The following UHRF1 variants were observed in gnomAD, a reference collection of about 807,000 sequenced individuals.
UHRF1 encodes ubiquitin like with PHD and ring finger domains 1.
A neutral mutation model predicts 96.5 loss-of-function variants in UHRF1; 9 were observed. That is an observed-to-expected ratio of 0.09 (90% CI 0.06 to 0.16). The LOEUF (loss-of-function observed/expected upper bound fraction) is 0.16. Ranked by LOEUF, UHRF1 falls within the 10% of genes least tolerant of loss-of-function variation. The pLI is 1.00. For missense variants in UHRF1, 626 were observed against 1,131.1 expected, an observed-to-expected ratio of 0.55 and a Z score of 6.40; for synonymous variants, 455 against 469.9, an observed-to-expected ratio of 0.97 and a Z score of 0.41.
chr19:4,942,028 G>C (rs561985429), intron 7 of UHRF1, 97 bp downstream of exon 7: 1 of 1,275,956 alleles, frequency 7.8e-7, no homozygotes, highest in Non-Finnish European at 1.0e-6. Flanking sequence ...AGGCGCGGGG[G>C]CTCACGCCTG....
Position 4,941,825 on chromosome 19 carries a change from G to A in UHRF1, c.967G>A (p.Gly323Ser), listed in dbSNP as rs1277103586. ...GGTCTGCGCCTGCCACCTGTGCGGG[G>A]GCCGGCAGGACCCCGACAAGCAGCT... ...CRVCACHLCG[G>S]RQDPDKQLMC... The change falls in exon 7 of 17, where the codon GGC becomes AGC. Residue 323 changes from glycine to serine, a missense_variant. Coordinates refer to ENST00000650932, the MANE Select transcript of UHRF1 (RefSeq NM_001048201.3). The A allele has an allele frequency of 1.3e-6, 2 of 1,578,796 alleles. No individual in the cohort carries two copies. Among genetic ancestry groups the A allele is most frequent in the Non-Finnish European group, 8.6e-7 (1 of 1,162,762 alleles).
In UHRF1 at chr19:4,954,896, GT is replaced by G; in HGVS notation, c.2130+76del. On this transcript the variant is annotated intron_variant, in intron 15 of 16. Coordinates refer to ENST00000650932, the MANE Select transcript of UHRF1 (RefSeq NM_001048201.3). This position sits in a 1 kb window ranked among gnomAD's most constrained non-coding sequence, Gnocchi z 5.9. ...AAAATGTGTGGGGCTTGTTTCCCAT[GT>G]TCCCCATTTTCAAGTGTACAGCTCA... is the stretch of plus-strand genomic sequence containing the variant. 6.4e-7 allele frequency: 1 copy of G among 1,567,702 alleles called. No individual in the cohort carries two copies. The highest frequency in any genetic ancestry group is 8.7e-7 in the Non-Finnish European group (1 of 1,150,674).
intron 7 of UHRF1, among the ~76,000 whole-genome samples, chr19:4,943,500 C>CG (rs1555752737): frequency 1.4e-5 from 2 of 140,118 alleles, no homozygotes; most frequent in East Asian, 4.1e-4. Flanking sequence ...GCCCTGCCCC[C>CG]CCTCCCCACA....
intron 2 of UHRF1, among the ~76,000 whole-genome samples, chr19:4,912,753 T>C (rs989021836): frequency 1.3e-5 from 2 of 152,132 alleles, no homozygotes; most frequent in African/African-American, 4.8e-5. Flanking sequence ...TCTGTTTTCA[T>C]TGATTTTTTT....
At chr19:4,914,656 CTT>C (rs11317452) in intron 2 of UHRF1, among the ~76,000 whole-genome samples, 46 of 139,024 alleles carry the variant, frequency 3.3e-4, no homozygotes, top group Admixed American at 4.4e-4. Context: ...ACCCCTCAAT[CTT>C]TTTTTTTTTT....
upstream of UHRF1, chr19:4,909,452 C>T: frequency 1.5e-6 from 1 of 655,164 alleles, no homozygotes; most frequent in South Asian, 1.6e-5. Flanking sequence ...GGCACGGCCT[C>T]CTGCGGCCCC....
At chr19:4,936,753 G>A (rs1292133618) in intron 5 of UHRF1, among the ~76,000 whole-genome samples, 2 of 149,932 alleles carry the variant, frequency 1.3e-5, no homozygotes, top group Non-Finnish European at 2.9e-5. Flanking sequence ...GCTGCAGTGA[G>A]CCGTGATCAC....
chr19:4,947,332 G>A lies in UHRF1; in HGVS notation c.1517+121G>A, dbSNP rs1048813240. The A allele has an allele frequency of 5.5e-6, 5 of 916,486 alleles. No individual in the cohort carries two copies. The African/African-American group carries it at 6.6e-5, about 12-fold the overall frequency. The allele number at this position is 916,486 out of a possible 1,614,324, so 56.8% of individuals were successfully genotyped here. A position where few individuals can be genotyped will look rare whatever the true frequency, so the allele number is the denominator to read the frequency against. On this transcript the variant is annotated intron_variant, in intron 11 of 16. Coordinates refer to ENST00000650932, the MANE Select transcript of UHRF1 (RefSeq NM_001048201.3). ...TAGGAGCGTGGTAGAACATAGCGAA[G>A]CCTGGCATTTGGTTCCTCCCTCTGT...
chr19:4,950,537 C>A, intron 11 of UHRF1, 74 bp from the exon 12 acceptor site: 1 of 1,511,524 alleles, frequency 6.6e-7, no homozygotes, highest in African/African-American at 1.4e-5. Context: ...AGCCACCACT[C>A]CCGGCTCCTG....
At position 4,954,457 on chromosome 19, in the gene UHRF1, G is replaced by C. The variant is rs370310178; in HGVS notation, c.1926G>C (p.Thr642=). The change falls in exon 14 of 17, where the codon ACG becomes ACC. Residue 642 remains threonine (T), a synonymous_variant. Transcript: ENST00000650932. This position sits in a 1 kb window ranked among gnomAD's most constrained non-coding sequence, Gnocchi z 5.9. ...AGGGGGGCTTCGCGTCCCCCAGGAC[G>C]GGCAAGGGCAAGTGGAAGCGGAAGT... The part of the protein sequence containing the change: ...QQEGGFASPR[T]GKGKWKRKSA... The C allele has an allele frequency of 6.2e-7, 1 of 1,611,930 alleles. No individual in the cohort carries two copies. The highest frequency in any genetic ancestry group is 8.5e-7 in the Non-Finnish European group (1 of 1,178,358).
upstream of UHRF1, among the ~76,000 whole-genome samples, chr19:4,907,261 C>T (rs2032083046): frequency 6.6e-6 from 1 of 152,104 alleles, no homozygotes; most frequent in African/African-American, 2.4e-5. Flanking sequence ...AGGCACACAC[C>T]ACCCTGCCCA....
intron 2 of UHRF1, among the ~76,000 whole-genome samples, chr19:4,914,117 C>T (rs1294899059): frequency 1.3e-5 from 2 of 151,932 alleles, no homozygotes; most frequent in African/African-American, 2.4e-5. Context: ...TGAACCGTCG[C>T]ATCCGGCCCC....
intron 2 of UHRF1, among the ~76,000 whole-genome samples, chr19:4,914,505 G>T (rs1296203902): frequency 2.0e-5 from 3 of 152,228 alleles, no homozygotes; most frequent in East Asian, 3.9e-4. Flanking sequence ...GGAATATGGA[G>T]GATCTCGTGG....
intron 11 of UHRF1, among the ~76,000 whole-genome samples, chr19:4,948,527 G>A (rs1187618006): frequency 6.6e-6 from 1 of 152,144 alleles, no homozygotes; most frequent in Admixed American, 6.5e-5. Flanking sequence ...AGCTGGGTGC[G>A]GTGGCTCACG....
chr19:4,909,059 G>A (rs528203694), upstream of UHRF1: 19 of 161,192 alleles, frequency 1.2e-4, no homozygotes, highest in African/African-American at 4.5e-4. Context: ...GGCTTGGGGC[G>A]ATCGGGCGAG....
chr19:4,906,882 T>A (rs902981925), upstream of UHRF1, among the ~76,000 whole-genome samples: 1 of 152,236 alleles, frequency 6.6e-6, no homozygotes, highest in Non-Finnish European at 1.5e-5. Context: ...GCAGGTGCTG[T>A]CATTTTGGAA....
chr19:4,925,893 C>CT (rs1410328719), intron 2 of UHRF1, among the ~76,000 whole-genome samples: 7 of 148,840 alleles, frequency 4.7e-5, no homozygotes, highest in African/African-American at 1.5e-4. Flanking sequence ...TCTTTTCTTT[C>CT]TTTCTTTTTT....
At chr19:4,940,544 C>T (rs1247171232) in intron 5 of UHRF1, among the ~76,000 whole-genome samples, 187 of 145,548 alleles carry the variant, frequency 1.3e-3, no homozygotes, top group African/African-American at 4.8e-3. Flanking sequence ...TTCTTGTATT[C>T]TTAGTAGAGA....
Position 4,954,480 on chromosome 19 carries a change from A to C in UHRF1, c.1949A>C (p.Lys650Thr). Residue 650 changes from lysine (K) to threonine (T), a missense_variant, in exon 14 of 17, where the codon AAG becomes ACG. Transcript: ENST00000650932. This position sits in a 1 kb window ranked among gnomAD's most constrained non-coding sequence, Gnocchi z 5.9. ...PRTGKGKWKR[K>T]SAGGGPSRAG... ...ACGGGCAAGGGCAAGTGGAAGCGGA[A>C]GTCGGCAGGTGAGAATCTCGTGGGT... 1 of 1,609,052 alleles carries C rather than the reference A, an allele frequency of 6.2e-7. No individual in the cohort carries two copies. The highest frequency in any genetic ancestry group is 8.5e-7 in the Non-Finnish European group (1 of 1,176,212).
Sources: gnomAD v4.1 joint callset for allele counts (sites outside exome capture counted in the v4.1 genomes callset) on GRCh38, gnomAD v4.1.1 for gene constraint, Gnocchi (gnomAD v3.1) non-coding constraint, MANE v1.5 for transcripts, NCBI Gene and HGNC (gene_info 2026-07-23, HGNC 2026-07-21) for gene names.